Variants in CFAP44 observed in about 807,000 individuals in gnomAD.
CFAP44 encodes cilia- and flagella-associated protein 44.
A neutral mutation model predicts 216.2 loss-of-function variants in CFAP44; 134 were observed. The ratio of observed to expected loss-of-function variants is 0.62; its 90% CI spans 0.54 to 0.72. The LOEUF (loss-of-function observed/expected upper bound fraction) is 0.72. Ranked by LOEUF, CFAP44 falls within the 30% of genes least tolerant of loss-of-function variation. CFAP44 has a pLI of 0.00. For synonymous variants in CFAP44, 700 were observed against 727.6 expected (o/e 0.96, Z 0.61); for missense variants, 2,035 against 2,182.1 (o/e 0.93, Z 1.34).
chr3:113,291,848 C>T, intron 34 of CFAP44, 100 bp from the exon 35 acceptor site: 2 of 1,271,278 alleles, frequency 1.6e-6, no homozygotes, highest in Non-Finnish European at 2.1e-6. Context: ...GCCTGACAGT[C>T]ACCCTAAACA....
Position 113,358,841 on chromosome 3 carries a change from A to G in CFAP44, c.2969T>C (p.Met990Thr). Residue 990 changes from methionine (M) to threonine (T), a missense_variant, in exon 22 of 35, where the codon ATG becomes ACG. Transcript: ENST00000393845. ...FDVDSQIRAEMHRKTAFKIQQ... is the reference protein window; with the variant it reads ...FDVDSQIRAETHRKTAFKIQQ... Reference sequence around the variant, plus strand: ...AATTTTGAAAGCTGTTTTTCTGTGCATCTCAGCACGGATTTGGGAATCTAC... The same window carrying G: ...AATTTTGAAAGCTGTTTTTCTGTGCGTCTCAGCACGGATTTGGGAATCTAC... The G allele has an allele frequency of 2.0e-6, 3 of 1,536,756 alleles. No individual in the cohort carries two copies. The highest frequency in any genetic ancestry group is 1.2e-5 in the South Asian group (1 of 84,012).
At chr3:113,369,092 C>G (rs552064489) in intron 18 of CFAP44, among the ~76,000 whole-genome samples, 1 of 152,198 alleles carries the variant, frequency 6.6e-6, no homozygotes, top group South Asian at 2.1e-4. Flanking sequence ...TAAAGCAAAT[C>G]CTTAGAAACC....
chr3:113,400,589 G>A lies in CFAP44; in HGVS notation c.1430C>T (p.Ala477Val), dbSNP rs752823318. 1 of 1,610,684 alleles carries A rather than the reference G, an allele frequency of 6.2e-7. No homozygotes were observed. The highest frequency in any genetic ancestry group is 8.5e-7 in the Non-Finnish European group (1 of 1,178,326). The change falls in exon 12 of 35, where the codon GCT becomes GTT. Residue 477 changes from alanine to valine, a missense_variant. Transcript: ENST00000393845. ...CATGAGATAAGTGAGAGGAGAAACAGCCACGGCTTCAATAGCTCCAGAATG... is the reference window on the plus strand; with the variant it reads ...CATGAGATAAGTGAGAGGAGAAACAACCACGGCTTCAATAGCTCCAGAATG... ...SFHSGAIEAV[A>V]VSPLTYLMAT...
rs765506198 is a variant in CFAP44 at position 113,433,652 on chromosome 3, C to A, written c.13G>T (p.Asp5Tyr). ...TTCTCCCCATCAGTATCCTGATCAT[C>A]TGGTTCCTTCATTTCCTCTGTAAGT... MKEP[D>Y]DQDTDGEKSV... Residue 5 changes from aspartate (D) to tyrosine (Y), a missense_variant, in exon 2 of 35, where the codon GAT becomes TAT. Physicochemically the swap from Asp to Tyr is radical, Grantham distance 160. Transcript: ENST00000393845. 1 of 1,612,962 alleles carries A rather than the reference C, an allele frequency of 6.2e-7. No homozygotes were observed. The highest frequency in any genetic ancestry group is 8.5e-7 in the Non-Finnish European group (1 of 1,179,714).
At chr3:113,306,127 A>C in intron 30 of CFAP44, 74 bp downstream of exon 30, 1 of 1,455,986 alleles carries the variant, frequency 6.9e-7, no homozygotes, top group Non-Finnish European at 9.1e-7. Flanking sequence ...TGTCATTGCT[A>C]TAAAAAGGCA....
intron 26 of CFAP44, among the ~76,000 whole-genome samples, chr3:113,329,663 A>G (rs1229478590): frequency 6.6e-6 from 1 of 152,208 alleles, no homozygotes; most frequent in Non-Finnish European, 1.5e-5. Flanking sequence ...TTTCCTAGAA[A>G]TAAGAATAGT....
chr3:113,391,247 G>A (rs1374177488), intron 15 of CFAP44, among the ~76,000 whole-genome samples: 1 of 152,018 alleles, frequency 6.6e-6, no homozygotes, highest in Non-Finnish European at 1.5e-5. Context: ...TGCACAAAGA[G>A]CAGTCTCTTT....
intron 25 of CFAP44, 38 bp from the exon 26 acceptor site, chr3:113,330,706 C>A: frequency 6.7e-7 from 1 of 1,493,220 alleles, no homozygotes; most frequent in South Asian, 1.3e-5. Flanking sequence ...CAGTACAACC[C>A]TCTGACAAAT....
At chr3:113,336,169 A>G (rs906875183) in intron 24 of CFAP44, among the ~76,000 whole-genome samples, 3 of 152,148 alleles carry the variant, frequency 2.0e-5, no homozygotes, top group Non-Finnish European at 2.9e-5. Context: ...GCAAGAAACT[A>G]AAAGCTAATT....
chr3:113,404,455 A>G (rs1367452173), intron 8 of CFAP44, among the ~76,000 whole-genome samples: 1 of 152,204 alleles, frequency 6.6e-6, no homozygotes, highest in Non-Finnish European at 1.5e-5. Context: ...AACAAGGATA[A>G]TCATCTAAAA....
chr3:113,336,046 T>C (rs1469993871), intron 24 of CFAP44, among the ~76,000 whole-genome samples: 1 of 152,152 alleles, frequency 6.6e-6, no homozygotes, highest in Non-Finnish European at 1.5e-5. Flanking sequence ...CATATGAAAA[T>C]GTGTAATGCA....
At chr3:113,361,717 C>T (rs181862379) in intron 21 of CFAP44, among the ~76,000 whole-genome samples, 33 of 151,870 alleles carry the variant, frequency 2.2e-4, no homozygotes, top group African/African-American at 7.7e-4. Context: ...CCAGGATGCT[C>T]TCGAACTCCT....
At chr3:113,368,350 G>A (rs1433903199) in intron 18 of CFAP44, among the ~76,000 whole-genome samples, 1 of 152,142 alleles carries the variant, frequency 6.6e-6, no homozygotes, top group African/African-American at 2.4e-5. Flanking sequence ...GAAAGGTCGG[G>A]TTACCCACAA....
rs1934987104 is a variant in CFAP44 at position 113,427,247 on chromosome 3, C to T, written c.193G>A (p.Glu65Lys). Residue 65 changes from glutamate (E) to lysine (K), a missense_variant, in exon 3 of 35, where the codon GAG becomes AAG. Transcript: ENST00000393845. ...CTCAAACTTCCTTCCAAACGTTCCT[C>T]ATCTGAGTCTTCTTCTAAATATGAT... The part of the protein sequence containing the change: ...EGSYLEEDSD[E>K]ERLEGSLSSF... The T allele has an allele frequency of 1.9e-6, 3 of 1,613,496 alleles. 1 individual carries two copies. The highest frequency in any genetic ancestry group is 2.7e-5 in the African/African-American group (2 of 74,918).
chr3:113,292,019 T>G (rs747382822), intron 34 of CFAP44, among the ~76,000 whole-genome samples: 3 of 152,200 alleles, frequency 2.0e-5, no homozygotes, highest in Non-Finnish European at 4.4e-5. Flanking sequence ...AAAGAGCTCA[T>G]CACTGGAATA....
At chr3:113,350,848 T>G (rs940127716) in intron 22 of CFAP44, among the ~76,000 whole-genome samples, 1 of 152,196 alleles carries the variant, frequency 6.6e-6, no homozygotes. Context: ...AATCTTGAAG[T>G]GTGGGGCTGG....
chr3:113,411,936 CTCTG>C (rs894410417), intron 6 of CFAP44, among the ~76,000 whole-genome samples: 11 of 132,238 alleles, frequency 8.3e-5, no homozygotes, highest in Admixed American at 2.3e-4. Flanking sequence ...TGATTTGGCT[CTCTG>C]TCTGTTATTG....
chr3:113,364,546 T>A (rs1950570498), intron 19 of CFAP44, among the ~76,000 whole-genome samples: 1 of 152,178 alleles, frequency 6.6e-6, no homozygotes, highest in South Asian at 2.1e-4. Flanking sequence ...ATTTATTTTT[T>A]ATTCTTTTAT....
At chr3:113,324,362 C>A (rs1378283824) in intron 28 of CFAP44, among the ~76,000 whole-genome samples, 1 of 151,984 alleles carries the variant, frequency 6.6e-6, no homozygotes, top group African/African-American at 2.4e-5. Context: ...CAAAAAATTT[C>A]TTAATGAAAT....
Sources: gnomAD v4.1 joint callset for allele counts (sites outside exome capture counted in the v4.1 genomes callset) on GRCh38, gnomAD v4.1.1 for gene constraint, MANE v1.5 for transcripts, NCBI Gene and HGNC (gene_info 2026-07-23, HGNC 2026-07-21) for gene names.